Variants in BCAS3 observed in about 807,000 individuals in gnomAD.
BCAS3 encodes the protein BCAS3 microtubule associated cell migration factor, also known as BCAS4/BCAS3 fusion.
Under a neutral mutation model 116.1 loss-of-function variants are expected in BCAS3, and 53 were observed. That is an observed-to-expected ratio of 0.46 (90% CI 0.37 to 0.57). The LOEUF (loss-of-function observed/expected upper bound fraction) is 0.57, where lower values mean the gene tolerates loss of function less well. Among genes scored for constraint, BCAS3 ranks in the 20% least tolerant of loss-of-function variants. The probability of loss-of-function intolerance (pLI) is 0.00; values close to 1 mark genes in which losing one functional copy is unlikely to be tolerated. For missense variants in BCAS3, 917 were observed against 1,165.4 expected (o/e 0.79, Z 3.10); for synonymous variants, 391 against 408.2 (o/e 0.96, Z 0.51).
chr17:61,022,994 C>T (rs1221274783), intron 16 of BCAS3, among the ~76,000 whole-genome samples: 2 of 152,184 alleles, frequency 1.3e-5, no homozygotes, highest in African/African-American at 2.4e-5. Context: ...ATGTGTATCT[C>T]AAATTAGACA....
chr17:60,946,845 C>A (rs73322725), intron 13 of BCAS3, among the ~76,000 whole-genome samples: 2 of 151,900 alleles, frequency 1.3e-5, no homozygotes, highest in African/African-American at 4.8e-5. Flanking sequence ...CAGGAATTTG[C>A]GGCTGCAGTG....
chr17:60,711,413 T>C (rs1270951949), intron 5 of BCAS3, among the ~76,000 whole-genome samples: 1 of 152,272 alleles, frequency 6.6e-6, no homozygotes, highest in East Asian at 1.9e-4. Context: ...AATGTAACTT[T>C]TTCTTATTAA....
intron 22 of BCAS3, among the ~76,000 whole-genome samples, chr17:61,177,062 G>A (rs1339164405): frequency 6.6e-6 from 1 of 152,202 alleles, no homozygotes; most frequent in Non-Finnish European, 1.5e-5. Context: ...TAGTCTTGGG[G>A]AAGGACATAG....
At chr17:61,070,263 TG>T (rs752445097) in intron 19 of BCAS3, 1 of 1,480,232 alleles carries the variant, frequency 6.8e-7, no homozygotes, top group East Asian at 2.3e-5. Flanking sequence ...TTTGGCCTGA[TG>T]GAGAGAAGAA....
At chr17:61,237,535 C>T (rs1241955301) in intron 22 of BCAS3, among the ~76,000 whole-genome samples, 1 of 152,214 alleles carries the variant, frequency 6.6e-6, no homozygotes, top group Non-Finnish European at 1.5e-5. Context: ...TGTGGCTGCT[C>T]ACTGTTTGGG....
Position 61,384,931 on chromosome 17 carries a change from A to G in BCAS3, c.2594-7046A>G, listed in dbSNP as rs187879558. Among the ~76,000 whole-genome samples, 337 of 152,188 alleles carry G rather than the reference A, an allele frequency of 2.2e-3. 1 individual carries two copies. The highest frequency in any genetic ancestry group is 7.8e-3 in the African/African-American group (322 of 41,526). On this transcript the variant is annotated intron_variant, in intron 23 of 23. Transcript: ENST00000407086. ...GAAGCCTGGGGAAGAGGGAAAGCGC[A>G]GGGGAGCCAGGCAGCCTGGGAGGTG...
intron 22 of BCAS3, among the ~76,000 whole-genome samples, chr17:61,292,909 A>C (rs562120314): frequency 6.6e-6 from 1 of 152,346 alleles, no homozygotes; most frequent in African/African-American, 2.4e-5. Context: ...GCAAAGCTGA[A>C]CCCTTCAACT....
chr17:60,923,701 T>C (rs2059220699), intron 12 of BCAS3, among the ~76,000 whole-genome samples: 1 of 152,206 alleles, frequency 6.6e-6, no homozygotes, highest in African/African-American at 2.4e-5. Context: ...AAAAAGTTGT[T>C]GAACTTATGA....
chr17:60,750,519 T>A (rs560050532), intron 6 of BCAS3, among the ~76,000 whole-genome samples: 15 of 152,296 alleles, frequency 9.8e-5, no homozygotes, highest in African/African-American at 3.6e-4. Context: ...GAAAGAAGGA[T>A]ATGAAAGTGT....
At position 61,222,933 on chromosome 17, in the gene BCAS3, C is replaced by T. The variant is rs527448817; in HGVS notation, c.2425+138369C>T. On this transcript the variant is annotated intron_variant, in intron 22 of 23. Coordinates refer to ENST00000407086, the MANE Select transcript of BCAS3 (RefSeq NM_017679.5). This position sits in a 1 kb window ranked among gnomAD's most constrained non-coding sequence, Gnocchi z 6.1. ...AATTTGTTTGCTGTTTAGGAGCCAG[C>T]CCTTCAGCTTCCTTTCAGTGATAGC... Among the ~76,000 whole-genome samples the T allele has an allele frequency of 3.9e-5, 6 of 152,102 alleles. No homozygotes were observed. The highest frequency in any genetic ancestry group is 7.4e-5 in the Non-Finnish European group (5 of 68,022).
At chr17:60,801,220 C>T (rs1478040869) in intron 6 of BCAS3, among the ~76,000 whole-genome samples, 1 of 152,028 alleles carries the variant, frequency 6.6e-6, no homozygotes, top group Non-Finnish European at 1.5e-5. Flanking sequence ...AAGTCCTGTA[C>T]ATGTTTAATC....
Position 61,037,879 on chromosome 17 carries a change from C to G in BCAS3, c.1763-10C>G, listed in dbSNP as rs2067169137. ...TCATAACACATCGGGTTCTGTTTCT[C>G]TGTTTGTAGATCAGTCCAAACAAGT... is the stretch of plus-strand genomic sequence containing the variant. On this transcript the variant is annotated splice_polypyrimidine_tract_variant and intron_variant, in intron 17 of 23. Transcript: ENST00000407086. This position sits in a 1 kb window ranked among gnomAD's most constrained non-coding sequence, Gnocchi z 4.7. 6.2e-7 allele frequency: 1 copy of G among 1,611,110 alleles called. No individual in the cohort carries two copies.
chr17:61,100,275 C>A (rs1293394937), intron 22 of BCAS3, among the ~76,000 whole-genome samples: 7 of 152,232 alleles, frequency 4.6e-5, no homozygotes, highest in East Asian at 1.9e-4. Context: ...AAATAGCGAA[C>A]CCTATGATCT....
intron 4 of BCAS3, among the ~76,000 whole-genome samples, chr17:60,701,025 C>G (rs1307096594): frequency 1.3e-5 from 2 of 151,802 alleles, no homozygotes; most frequent in Non-Finnish European, 2.9e-5. Flanking sequence ...GGGCAGATCA[C>G]TTGAGGTCAG....
rs75227573 is a variant in BCAS3 at position 61,029,610 on chromosome 17, G to A, written c.1638-5056G>A. 0.052 allele frequency among the ~76,000 whole-genome samples: 7,845 copies of A among 151,946 alleles called. 725 individuals carry two copies. Among genetic ancestry groups the A allele is most frequent in the African/African-American group, 0.18 (7,405 of 41,448 alleles). ...ATCAAGCTCTGAATTTGCATGTAGTGTTGTATTTAAGCTACTGTTATTTTT... is the reference window on the plus strand; with the variant it reads ...ATCAAGCTCTGAATTTGCATGTAGTATTGTATTTAAGCTACTGTTATTTTT... On this transcript the variant is annotated intron_variant, in intron 16 of 23. Transcript: ENST00000407086. This position sits in a 1 kb window ranked among gnomAD's most constrained non-coding sequence, Gnocchi z 5.2.
At chr17:60,801,509 A>G (rs984157871) in intron 6 of BCAS3, among the ~76,000 whole-genome samples, 3 of 152,000 alleles carry the variant, frequency 2.0e-5, no homozygotes, top group Admixed American at 1.3e-4. Flanking sequence ...TATACTAGAT[A>G]GAACTTCCAG....
In BCAS3 at chr17:61,249,708, A is replaced by G. The variant is rs995529443; in HGVS notation, c.2426-118619A>G. On this transcript the variant is annotated intron_variant, in intron 22 of 23. Coordinates refer to ENST00000407086, the MANE Select transcript of BCAS3 (RefSeq NM_017679.5). The surrounding 1 kb of genome is among the most constrained non-coding windows in gnomAD (Gnocchi z 6.2). ...ATTATTTAGAAATACTTGTGAAATC[A>G]TGGTCACAGGAGTTATTTCCAAGGA... 6.6e-6 allele frequency among the ~76,000 whole-genome samples: 1 copy of G among 151,872 alleles called. No individual in the cohort carries two copies. Among genetic ancestry groups the G allele is most frequent in the African/African-American group, 2.4e-5 (1 of 41,144 alleles).
chr17:60,736,867 C>A (rs1172528553), intron 5 of BCAS3, among the ~76,000 whole-genome samples: 2 of 151,244 alleles, frequency 1.3e-5, no homozygotes, highest in African/African-American at 4.9e-5. Flanking sequence ...TAGTGATCTC[C>A]CCTCTTTTCC....
intron 22 of BCAS3, among the ~76,000 whole-genome samples, chr17:61,288,803 G>A (rs1027842876): frequency 1.3e-4 from 20 of 152,234 alleles, no homozygotes; most frequent in African/African-American, 4.3e-4. Flanking sequence ...CGAAAGGGCT[G>A]TACTGAGAAC....
Sources: allele counts gnomAD v4.1 joint callset (sites outside exome capture counted in the v4.1 genomes callset), GRCh38; gene constraint gnomAD v4.1.1; non-coding constraint Gnocchi (gnomAD v3.1); transcripts MANE v1.5; gene names NCBI Gene and HGNC (gene_info 2026-07-23, HGNC 2026-07-21).